Variants in CAST observed in about 807,000 individuals in gnomAD.
CAST encodes MIR583 host.
A neutral mutation model predicts 119.6 loss-of-function variants in CAST; 76 were observed. The observed-to-expected ratio is 0.64, with a 90% CI of 0.53 to 0.77. The LOEUF (loss-of-function observed/expected upper bound fraction) is 0.77. CAST is among the 30% of genes least tolerant of loss of function. The pLI is 0.00. For synonymous variants in CAST, 319 were observed against 331.6 expected (o/e 0.96, Z 0.41); for missense variants, 953 against 946.5 (o/e 1.01, Z -0.09).
chr5:96,036,367 A>G, the CAST span, among the ~76,000 whole-genome samples: 1 of 152,116 alleles, frequency 6.6e-6, no homozygotes, highest in Admixed American at 6.6e-5. Flanking sequence ...AGATAAGACT[A>G]TGGACTGAAT....
At chr5:95,961,512 C>T in the CAST span, 1 of 1,392,300 alleles carries the variant, frequency 7.2e-7, no homozygotes. Context: ...CACCCGGGCG[C>T]GGCCAGGCCG....
At chr5:96,270,087 T>C in the CAST span, among the ~76,000 whole-genome samples, 3 of 152,170 alleles carry the variant, frequency 2.0e-5, no homozygotes, top group African/African-American at 4.8e-5. Flanking sequence ...TGGCTCAATA[T>C]ATGCAAATCA....
At chr5:96,760,054 A>G (rs1767397609) in intron 24 of CAST, among the ~76,000 whole-genome samples, 1 of 152,000 alleles carries the variant, frequency 6.6e-6, no homozygotes, top group Admixed American at 6.5e-5. Context: ...TTTAAAGATG[A>G]CTCTAACTGT....
chr5:96,478,900 C>T, the CAST span, among the ~76,000 whole-genome samples: 851 of 152,268 alleles, frequency 5.6e-3, 11 homozygotes, highest in African/African-American at 0.019. Context: ...ACATAGGGAG[C>T]GCACTGGCCA....
the CAST span, among the ~76,000 whole-genome samples, chr5:96,163,780 G>C: frequency 6.6e-6 from 1 of 152,110 alleles, no homozygotes; most frequent in South Asian, 2.1e-4. Flanking sequence ...AATTTTCCTA[G>C]TCCCCATTTT....
the CAST span, among the ~76,000 whole-genome samples, chr5:96,272,672 G>A: frequency 6.6e-6 from 1 of 152,088 alleles, no homozygotes; most frequent in East Asian, 1.9e-4. Context: ...GAAATAAGAT[G>A]TAGTGTTTGA....
chr5:96,141,460 C>T, the CAST span, among the ~76,000 whole-genome samples: 1 of 152,138 alleles, frequency 6.6e-6, no homozygotes, highest in Admixed American at 6.5e-5. Flanking sequence ...TTCATCCTTT[C>T]CCCCAGAAAA....
the CAST span, among the ~76,000 whole-genome samples, chr5:96,423,975 A>G: frequency 2.6e-5 from 4 of 152,162 alleles, no homozygotes; most frequent in Non-Finnish European, 5.9e-5. Context: ...TTGCAATGTG[A>G]TTGCCTATTT....
chr5:96,414,755 G>T, the CAST span, among the ~76,000 whole-genome samples: 1 of 152,150 alleles, frequency 6.6e-6, no homozygotes, highest in African/African-American at 2.4e-5. Flanking sequence ...CGTTCATTAT[G>T]ACTAAAAGAG....
chr5:96,263,875 G>T, the CAST span, among the ~76,000 whole-genome samples: 1 of 152,092 alleles, frequency 6.6e-6, no homozygotes, highest in Non-Finnish European at 1.5e-5. Context: ...AAGCAAAGGG[G>T]AAGTGCCACA....
intron 1 of CAST, among the ~76,000 whole-genome samples, chr5:96,635,371 A>G (rs1428004080): frequency 2.6e-5 from 4 of 152,220 alleles, no homozygotes; most frequent in African/African-American, 7.2e-5. Flanking sequence ...TGTTATGCAC[A>G]CATTGAAGGA....
chr5:96,534,826 A>G (rs993971318), intron 1 of CAST, among the ~76,000 whole-genome samples: 5 of 146,508 alleles, frequency 3.4e-5, no homozygotes, highest in Middle Eastern at 6.9e-3. Flanking sequence ...GAAAGAAAAG[A>G]AAGAAGGAAA....
At chr5:96,116,164 C>G in the CAST span, among the ~76,000 whole-genome samples, 9 of 152,138 alleles carry the variant, frequency 5.9e-5, no homozygotes, top group South Asian at 8.3e-4. Context: ...CTAGTTTTAC[C>G]TTTTCCAGAT....
the CAST span, among the ~76,000 whole-genome samples, chr5:96,324,933 A>G: frequency 6.6e-6 from 1 of 152,174 alleles, no homozygotes. Context: ...TGCCAGGCAC[A>G]GTGACTCATG....
At chr5:95,977,800 C>T in the CAST span, among the ~76,000 whole-genome samples, 55 of 152,258 alleles carry the variant, frequency 3.6e-4, no homozygotes, top group African/African-American at 1.3e-3. Context: ...TCTCCAACCT[C>T]GCACCCTACA....
the CAST span, among the ~76,000 whole-genome samples, chr5:96,455,054 A>G: frequency 6.6e-6 from 1 of 152,248 alleles, no homozygotes. Flanking sequence ...ATTAAAATAA[A>G]GGTATTTTAA....
chr5:96,422,545 C>T, the CAST span, among the ~76,000 whole-genome samples: 17 of 152,166 alleles, frequency 1.1e-4, no homozygotes, highest in Non-Finnish European at 2.4e-4. Context: ...TCCCGCATAC[C>T]CTTACTGTTA....
intron 1 of CAST, among the ~76,000 whole-genome samples, chr5:96,633,229 A>C (rs1245010529): frequency 6.6e-6 from 1 of 152,114 alleles, no homozygotes; most frequent in African/African-American, 2.4e-5. Context: ...CACCTGCCTC[A>C]GCCTCCCAAA....
In CAST at chr5:96,722,715, T is replaced by A. The variant is rs749722806; in HGVS notation, c.270+17T>A. On this transcript the variant is annotated intron_variant, in intron 4 of 31. Transcript: ENST00000675179. ...GAAACCAAGGTATGAAGAATGCTAA[T>A]TGAGTGAGTGCTAATTTAAGTTGAT... 2 of 1,578,754 alleles carry A rather than the reference T, an allele frequency of 1.3e-6. No homozygotes were observed. The highest frequency in any genetic ancestry group is 2.2e-5 in the South Asian group (2 of 90,344).
Sources: gnomAD v4.1 joint callset for allele counts (sites outside exome capture counted in the v4.1 genomes callset) on GRCh38, gnomAD v4.1.1 for gene constraint, MANE v1.5 for transcripts, NCBI Gene and HGNC (gene_info 2026-07-23, HGNC 2026-07-21) for gene names.